Variants in ZCWPW2 observed in about 807,000 individuals in gnomAD.
ZCWPW2 encodes zinc finger CW-type and PWWP domain containing 2.
Under a neutral mutation model 46.6 loss-of-function variants are expected in ZCWPW2, and 45 were observed. That is an observed-to-expected ratio of 0.96 (90% CI 0.76 to 1.24). ZCWPW2 has a LOEUF of 1.24. Ranked by LOEUF, ZCWPW2 falls within the 50% of genes most tolerant of loss-of-function variation. The pLI, the probability that ZCWPW2 is intolerant of heterozygous loss-of-function variation, is 0.00. For synonymous variants in ZCWPW2, 152 were observed against 137.1 expected (o/e 1.11, Z -0.76); for missense variants, 429 against 403.9 (o/e 1.06, Z -0.53).
intron 1 of ZCWPW2, among the ~76,000 whole-genome samples, chr3:28,355,596 A>G (rs1014669111): frequency 1.3e-5 from 2 of 152,250 alleles, no homozygotes; most frequent in Non-Finnish European, 2.9e-5. Context: ...CTGACTTCAA[A>G]CTATACTGCA....
intron 1 of ZCWPW2, among the ~76,000 whole-genome samples, chr3:28,358,420 A>G (rs1704820462): frequency 6.6e-6 from 1 of 152,136 alleles, no homozygotes; most frequent in East Asian, 1.9e-4. Flanking sequence ...ACAGTATTTA[A>G]TGTCTTGGAT....
chr3:28,374,862 C>T (rs763063747), intron 1 of ZCWPW2, among the ~76,000 whole-genome samples: 46 of 151,716 alleles, frequency 3.0e-4, no homozygotes, highest in Non-Finnish European at 6.2e-4. Context: ...AACAGGTTTT[C>T]GTTAATTTTT....
intron 3 of ZCWPW2, among the ~76,000 whole-genome samples, chr3:28,434,046 T>C (rs1186003604): frequency 1.3e-5 from 2 of 151,898 alleles, no homozygotes; most frequent in Admixed American, 6.6e-5. Context: ...ATTGAGCAAA[T>C]ATATTACTTA....
At chr3:28,445,576 A>C (rs1347104482) in intron 4 of ZCWPW2, among the ~76,000 whole-genome samples, 5 of 152,184 alleles carry the variant, frequency 3.3e-5, no homozygotes, top group African/African-American at 1.2e-4. Context: ...AGAGGAATTT[A>C]AATGTTTCAG....
intron 4 of ZCWPW2, among the ~76,000 whole-genome samples, chr3:28,464,079 T>C (rs1698736328): frequency 6.6e-6 from 1 of 152,120 alleles, no homozygotes; most frequent in Admixed American, 6.6e-5. Context: ...GAAAAGAAGA[T>C]GGCCATTTTT....
chr3:28,466,361 G>T (rs1353115945), intron 4 of ZCWPW2, among the ~76,000 whole-genome samples: 1 of 152,142 alleles, frequency 6.6e-6, no homozygotes, highest in Non-Finnish European at 1.5e-5. Flanking sequence ...AAAAAATAAA[G>T]AAGTAACCAT....
At chr3:28,505,826 A>G (rs1014541361) in intron 6 of ZCWPW2, among the ~76,000 whole-genome samples, 8 of 152,160 alleles carry the variant, frequency 5.3e-5, no homozygotes, top group African/African-American at 1.7e-4. Flanking sequence ...TTCCCTGAGC[A>G]TAAAATACTG....
At chr3:28,438,793 A>T (rs1276619725) in intron 4 of ZCWPW2, among the ~76,000 whole-genome samples, 1 of 152,152 alleles carries the variant, frequency 6.6e-6, no homozygotes, top group Non-Finnish European at 1.5e-5. Flanking sequence ...AGAGTCAAGA[A>T]CATGATGTAT....
Position 28,453,024 on chromosome 3 carries a change from G to A in ZCWPW2, c.492+17755G>A, listed in dbSNP as rs146862197. On this transcript the variant is annotated intron_variant, in intron 4 of 9. Transcript: ENST00000383768. ...ATTGCTGCAATGTTTTCATAGTTTA[G>A]CGTAAACAGAAGTGTCAAGAACTAT... Among the ~76,000 whole-genome samples the A allele has an allele frequency of 7.7e-3, 1,173 of 152,220 alleles. 15 individuals are homozygous for A. The highest frequency in any genetic ancestry group is 0.026 in the African/African-American group (1,085 of 41,514).
chr3:28,371,244 A>T (rs1004390886), intron 1 of ZCWPW2, among the ~76,000 whole-genome samples: 8 of 152,082 alleles, frequency 5.3e-5, no homozygotes, highest in African/African-American at 1.7e-4. Flanking sequence ...TAAAGAAAAA[A>T]TTTTTCTGAC....
At chr3:28,393,780 A>C (rs1272247323) in intron 2 of ZCWPW2, among the ~76,000 whole-genome samples, 2 of 152,118 alleles carry the variant, frequency 1.3e-5, no homozygotes, top group African/African-American at 2.4e-5. Context: ...TATAGAAGGA[A>C]TGCACTTCAA....
At chr3:28,357,370 T>A (rs1704776520) in intron 1 of ZCWPW2, among the ~76,000 whole-genome samples, 1 of 152,194 alleles carries the variant, frequency 6.6e-6, no homozygotes, top group Non-Finnish European at 1.5e-5. Flanking sequence ...GATGGTTAAT[T>A]TTATGTGTCA....
At chr3:28,361,621 C>G (rs538295792) in intron 1 of ZCWPW2, among the ~76,000 whole-genome samples, 1 of 151,682 alleles carries the variant, frequency 6.6e-6, no homozygotes, top group Non-Finnish European at 1.5e-5. Context: ...AAAATATTTG[C>G]AAACCATGCA....
Position 28,349,024 on chromosome 3 carries a change from G to A in ZCWPW2, c.-313G>A. ...TGTCCGCGGGCTCGGCGCCAGGGACGCGCGAGGAAACCGGAAGTCAGGCCC... is the reference window on the plus strand; with the variant it reads ...TGTCCGCGGGCTCGGCGCCAGGGACACGCGAGGAAACCGGAAGTCAGGCCC... On this transcript the variant is annotated 5_prime_UTR_variant, in exon 1 of 10. Transcript: ENST00000383768. 2.0e-6 allele frequency: 2 copies of A among 986,042 alleles called. No individual in the cohort carries two copies. The highest frequency in any genetic ancestry group is 2.4e-6 in the Non-Finnish European group (2 of 830,462). The allele number at this position is 986,042 out of a possible 1,614,324, so 61.1% of individuals were successfully genotyped here.
At chr3:28,380,958 AT>A (rs1695040080) in intron 1 of ZCWPW2, among the ~76,000 whole-genome samples, 5 of 40,810 alleles carry the variant, frequency 1.2e-4, no homozygotes, top group East Asian at 1.0e-3. Context: ...ATATATATAT[AT>A]ATATATATAT....
chr3:28,368,700 T>G (rs1705210071), intron 1 of ZCWPW2, among the ~76,000 whole-genome samples: 2 of 152,346 alleles, frequency 1.3e-5, no homozygotes, highest in Admixed American at 6.5e-5. Flanking sequence ...ATTTGAATGT[T>G]GGCCTGCCTT....
At chr3:28,428,552 C>G (rs1163897652) in intron 3 of ZCWPW2, 2 of 152,250 alleles carry the variant, frequency 1.3e-5, no homozygotes, top group East Asian at 3.9e-4. Flanking sequence ...GTCACTAATA[C>G]CAGGCATGAA....
chr3:28,435,364 TTAGA>T, intron 4 of ZCWPW2, 95 bp downstream of exon 4: 1 of 1,252,800 alleles, frequency 8.0e-7, no homozygotes, highest in East Asian at 2.6e-5. Flanking sequence ...TAAGTTGCTT[TTAGA>T]TTGATATAAT....
At chr3:28,395,690 G>A (rs1280838699) in intron 2 of ZCWPW2, among the ~76,000 whole-genome samples, 1 of 152,080 alleles carries the variant, frequency 6.6e-6, no homozygotes, top group Non-Finnish European at 1.5e-5. Flanking sequence ...ATTATATTTA[G>A]AATTTGATAA....
Sources: allele counts gnomAD v4.1 joint callset (sites outside exome capture counted in the v4.1 genomes callset), GRCh38; gene constraint gnomAD v4.1.1; transcripts MANE v1.5; gene names NCBI Gene and HGNC (gene_info 2026-07-23, HGNC 2026-07-21).